The following PUM1 variants were observed in gnomAD, a reference collection of about 807,000 sequenced individuals.
PUM1 encodes the protein pumilio RNA binding family member 1, also known as pumilio homolog 1.
In PUM1, 13 loss-of-function variants were observed where a neutral mutation model predicts 131.8. The ratio of observed to expected loss-of-function variants is 0.10; its 90% CI spans 0.06 to 0.16. The LOEUF is 0.16. Ranked by LOEUF, PUM1 falls within the 10% of genes least tolerant of loss-of-function variation. The pLI is 1.00. For missense variants in PUM1, 961 were observed against 1,512.4 expected (o/e 0.64, Z 6.05); for synonymous variants, 509 against 556.5 (o/e 0.91, Z 1.20).
chr1:31,053,843 C>T (rs1644170189), intron 2 of PUM1, among the ~76,000 whole-genome samples: 1 of 151,792 alleles, frequency 6.6e-6, no homozygotes. Context: ...GCCTATAATC[C>T]CAGCACTTTG....
At chr1:31,028,766 C>T (rs1466950023) in intron 3 of PUM1, 30 bp downstream of exon 3, 4 of 1,573,386 alleles carry the variant, frequency 2.5e-6, no homozygotes, top group East Asian at 2.2e-5. Flanking sequence ...TAAAAACAGA[C>T]CCACTTTTCT....
intron 9 of PUM1, among the ~76,000 whole-genome samples, chr1:30,979,807 T>C (rs2124466995): frequency 6.6e-6 from 1 of 152,100 alleles, no homozygotes; most frequent in East Asian, 1.9e-4. Context: ...AAAATATAAA[T>C]GAGTATCTGG....
At chr1:30,964,626 G>C (rs760512746) in intron 14 of PUM1, 48 bp downstream of exon 14, 1 of 1,487,494 alleles carries the variant, frequency 6.7e-7, no homozygotes, top group South Asian at 1.1e-5. Flanking sequence ...GTCATCGGTG[G>C]CAAGAGAGTT....
At chr1:31,016,066 C>A (rs1030925333) in intron 3 of PUM1, among the ~76,000 whole-genome samples, 1 of 152,186 alleles carries the variant, frequency 6.6e-6, no homozygotes, top group Admixed American at 6.5e-5. Context: ...CAAGCTGATA[C>A]AGGCTTAGCA....
chr1:30,971,284 TA>T (rs1291259975), intron 10 of PUM1, among the ~76,000 whole-genome samples: 2 of 152,210 alleles, frequency 1.3e-5, no homozygotes, highest in Non-Finnish European at 2.9e-5. Context: ...TTTTAATTAC[TA>T]TGACAAGGCA....
chr1:30,999,606 CAAAAAAAAAAAAAAAAAAAAAA>C (rs56936440), intron 5 of PUM1, among the ~76,000 whole-genome samples: 49 of 53,980 alleles, frequency 9.1e-4, no homozygotes, highest in Non-Finnish European at 1.2e-3. Flanking sequence ...GACTCTGTCT[CAAAAAAAAAAAAAAAAAAAAAA>C]AAAAAAAAAA....
intron 3 of PUM1, among the ~76,000 whole-genome samples, chr1:31,025,545 C>CT (rs35510099): frequency 0.17 from 14,947 of 88,882 alleles, 1,740 homozygotes; most frequent in East Asian, 0.26. Flanking sequence ...TGTTTTTTGT[C>CT]TTTTTTTTTT....
intron 15 of PUM1, among the ~76,000 whole-genome samples, chr1:30,952,633 C>G (rs1639979858): frequency 7.7e-6 from 1 of 129,082 alleles, no homozygotes; most frequent in Admixed American, 9.8e-5. Flanking sequence ...GGCATGCATA[C>G]TGAATCTTAT....
intron 3 of PUM1, among the ~76,000 whole-genome samples, chr1:31,024,060 T>A (rs1293417971): frequency 6.6e-6 from 1 of 152,154 alleles, no homozygotes; most frequent in Non-Finnish European, 1.5e-5. Flanking sequence ...CTCTTTTCTA[T>A]CTTTTTAAAG....
chr1:31,028,061 C>A (rs577334423), intron 3 of PUM1, among the ~76,000 whole-genome samples: 2 of 152,278 alleles, frequency 1.3e-5, no homozygotes, highest in East Asian at 3.9e-4. Flanking sequence ...CCTTTGTCAT[C>A]AATACATGCT....
chr1:31,043,643 T>C (rs1188605257), intron 2 of PUM1, among the ~76,000 whole-genome samples: 1 of 152,198 alleles, frequency 6.6e-6, no homozygotes, highest in African/African-American at 2.4e-5. Context: ...ATCAATCAAC[T>C]GCATATTCAT....
intron 2 of PUM1, among the ~76,000 whole-genome samples, chr1:31,054,640 T>A (rs1236558156): frequency 1.3e-5 from 2 of 149,558 alleles, no homozygotes; most frequent in Admixed American, 6.7e-5. Flanking sequence ...TAATTTTCCA[T>A]CCACATTACC....
intron 2 of PUM1, among the ~76,000 whole-genome samples, chr1:31,047,866 C>T (rs566042909): frequency 8.5e-5 from 13 of 152,246 alleles, no homozygotes; most frequent in African/African-American, 2.6e-4. Context: ...GGCTTGAACC[C>T]AGGAGGTGGA....
At chr1:31,037,651 C>T (rs1471687602) in intron 2 of PUM1, among the ~76,000 whole-genome samples, 1 of 151,754 alleles carries the variant, frequency 6.6e-6, no homozygotes, top group East Asian at 1.9e-4. Flanking sequence ...ACCAAGGAAG[C>T]GGCCAAGATT....
At chr1:30,942,169 A>G in intron 18 of PUM1, 46 bp from the exon 19 acceptor site, 1 of 1,308,880 alleles carries the variant, frequency 7.6e-7, no homozygotes, top group Non-Finnish European at 1.0e-6. Context: ...GACAGTCACC[A>G]CCTTCAATGC....
At chr1:31,020,519 G>A (rs1404879456) in intron 3 of PUM1, among the ~76,000 whole-genome samples, 4 of 152,006 alleles carry the variant, frequency 2.6e-5, no homozygotes, top group African/African-American at 7.2e-5. Flanking sequence ...GACCCCTCAG[G>A]ATACTGTAAA....
chr1:30,946,355 T>C (rs77159739), intron 17 of PUM1, among the ~76,000 whole-genome samples: 42,640 of 150,166 alleles, frequency 0.28, 6,493 homozygotes, highest in Non-Finnish European at 0.34. Flanking sequence ...AAAAAAATCA[T>C]AGGCCAGGTG....
chr1:31,028,677 G>T, intron 3 of PUM1, 119 bp downstream of exon 3: 2 of 881,560 alleles, frequency 2.3e-6, no homozygotes, highest in East Asian at 4.8e-5. Flanking sequence ...TCATGAGAAT[G>T]GCAACAAGGA....
chr1:31,054,521 T>G (rs1171021762), intron 2 of PUM1, among the ~76,000 whole-genome samples: 1 of 132,202 alleles, frequency 7.6e-6, no homozygotes, highest in Non-Finnish European at 1.5e-5. Flanking sequence ...TGTTCCATTA[T>G]GCCAAAGGGC....
Sources: allele counts gnomAD v4.1 joint callset (sites outside exome capture counted in the v4.1 genomes callset), GRCh38; gene constraint gnomAD v4.1.1; transcripts MANE v1.5; gene names NCBI Gene and HGNC (gene_info 2026-07-23, HGNC 2026-07-21).